PTPRJ: variants seen among roughly 807,000 people sequenced by gnomAD.
The protein encoded by PTPRJ is protein tyrosine phosphatase receptor type J, also known as receptor-type tyrosine-protein phosphatase eta.
Under a neutral mutation model 141.3 loss-of-function variants are expected in PTPRJ, and 129 were observed. The ratio of observed to expected loss-of-function variants is 0.91; its 90% CI spans 0.79 to 1.06. The LOEUF is 1.06. Among genes scored for constraint, PTPRJ ranks in the 50% least tolerant of loss-of-function variants. PTPRJ has a pLI of 0.00. For synonymous variants in PTPRJ, 610 were observed against 640.5 expected, an observed-to-expected ratio of 0.95 and a Z score of 0.72; for missense variants, 1,601 against 1,679.7, an observed-to-expected ratio of 0.95 and a Z score of 0.82.
chr11:48,024,192 T>C (rs1461816857), intron 1 of PTPRJ, among the ~76,000 whole-genome samples: 1 of 152,070 alleles, frequency 6.6e-6, no homozygotes, highest in African/African-American at 2.4e-5. Flanking sequence ...ACTTACATTT[T>C]TTTTCTTTCT....
intron 1 of PTPRJ, among the ~76,000 whole-genome samples, chr11:48,033,906 A>G (rs1366536322): frequency 6.6e-6 from 1 of 152,230 alleles, no homozygotes; most frequent in African/African-American, 2.4e-5. Context: ...CGTTTGACCT[A>G]TAGTAACCAG....
At chr11:48,071,555 G>A (rs753683619) in intron 1 of PTPRJ, among the ~76,000 whole-genome samples, 33 of 145,910 alleles carry the variant, frequency 2.3e-4, no homozygotes, top group Non-Finnish European at 3.4e-4. Flanking sequence ...TGATCCTCCC[G>A]CCTCGGCCTC....
intron 24 of PTPRJ, 57 bp from the exon 25 acceptor site, chr11:48,167,147 T>C (rs1857934568): frequency 6.6e-7 from 1 of 1,508,652 alleles, no homozygotes; most frequent in South Asian, 1.2e-5. Flanking sequence ...TAATTTTGGG[T>C]GCTAATTTCT....
chr11:48,024,133 A>G (rs933610313), intron 1 of PTPRJ, among the ~76,000 whole-genome samples: 5 of 151,906 alleles, frequency 3.3e-5, no homozygotes, highest in African/African-American at 1.2e-4. Flanking sequence ...CTAAGGTTCC[A>G]TGTTCTGCTC....
At chr11:48,049,627 T>A (rs1330895622) in intron 1 of PTPRJ, among the ~76,000 whole-genome samples, 1 of 149,750 alleles carries the variant, frequency 6.7e-6, no homozygotes. Context: ...GGCAGGAGAA[T>A]CGCTTGAACC....
At chr11:48,085,454 C>A (rs897273706) in intron 1 of PTPRJ, among the ~76,000 whole-genome samples, 2 of 152,122 alleles carry the variant, frequency 1.3e-5, no homozygotes, top group African/African-American at 4.8e-5. Context: ...AAAGGATTCT[C>A]CTGCCTCAGC....
intron 1 of PTPRJ, among the ~76,000 whole-genome samples, chr11:48,097,395 T>C (rs1254660585): frequency 6.6e-6 from 1 of 152,210 alleles, no homozygotes; most frequent in East Asian, 1.9e-4. Flanking sequence ...GACTCACCCT[T>C]TCCTTTACAT....
chr11:48,007,253 A>T (rs995946151), intron 1 of PTPRJ, among the ~76,000 whole-genome samples: 3 of 146,700 alleles, frequency 2.0e-5, no homozygotes, highest in Admixed American at 2.0e-4. Flanking sequence ...GGTGCCTGCC[A>T]CCACGCCCGG....
intron 1 of PTPRJ, among the ~76,000 whole-genome samples, chr11:47,999,211 C>T (rs1854426009): frequency 6.6e-6 from 1 of 152,164 alleles, no homozygotes; most frequent in Non-Finnish European, 1.5e-5. Flanking sequence ...TCTGCCATGG[C>T]CACAAGAGAG....
At chr11:48,044,105 G>C (rs956634529) in intron 1 of PTPRJ, among the ~76,000 whole-genome samples, 1 of 152,230 alleles carries the variant, frequency 6.6e-6, no homozygotes, top group South Asian at 2.1e-4. Flanking sequence ...GCGCACATGC[G>C]AAAGACATGA....
intron 1 of PTPRJ, among the ~76,000 whole-genome samples, chr11:48,092,032 A>G (rs1190267426): frequency 6.6e-6 from 1 of 151,942 alleles, no homozygotes; most frequent in Admixed American, 6.5e-5. Context: ...GCGGTGGCTC[A>G]TGCCTGTAAT....
In PTPRJ at chr11:48,168,534, G is replaced by GTGTA. The variant is rs1857975364; in HGVS notation, c.*1173_*1174insGTAT. The GTGTA allele has an allele frequency of 1.4e-4, 6 of 44,070 alleles. No individual in the cohort carries two copies. In the Admixed American group the frequency reaches 1.9e-3, roughly 14 times the overall value. The allele number at this position is 44,070 out of a possible 1,614,324, so 2.7% of individuals were successfully genotyped here. A position where few individuals can be genotyped will look rare whatever the true frequency, so the allele number is the denominator to read the frequency against. Reference sequence around the variant, plus strand: ...CGTGACACATATCGGAATCTACTGTGTATATATATATATATATATATATAT... The same window carrying GTGTA: ...CGTGACACATATCGGAATCTACTGTGTGTATATATATATATATATATATATATAT... On this transcript the variant is annotated 3_prime_UTR_variant, in exon 25 of 25. Transcript: ENST00000418331.
At chr11:48,038,845 TAAA>T (rs36150010) in intron 1 of PTPRJ, among the ~76,000 whole-genome samples, 10 of 116,636 alleles carry the variant, frequency 8.6e-5, no homozygotes, top group South Asian at 3.0e-4. Context: ...CACTTTACTC[TAAA>T]AAAAAAAAAA....
chr11:47,998,864 G>C (rs1401996233), intron 1 of PTPRJ, among the ~76,000 whole-genome samples: 1 of 152,156 alleles, frequency 6.6e-6, no homozygotes, highest in Middle Eastern at 3.2e-3. Flanking sequence ...CAGCTGCCAG[G>C]GAAGGGAGGG....
chr11:48,138,917 GAGGTC>G (rs1179738891), intron 10 of PTPRJ, among the ~76,000 whole-genome samples: 1 of 152,194 alleles, frequency 6.6e-6, no homozygotes. Context: ...GGTGGATCAG[GAGGTC>G]AAAAGATCGA....
intron 3 of PTPRJ, among the ~76,000 whole-genome samples, chr11:48,116,372 T>C (rs758795938): frequency 6.6e-6 from 1 of 152,236 alleles, no homozygotes; most frequent in Non-Finnish European, 1.5e-5. Flanking sequence ...TCAAGAGGTC[T>C]TAACAATTAT....
intron 1 of PTPRJ, among the ~76,000 whole-genome samples, chr11:48,094,835 C>G (rs1437818131): frequency 6.6e-6 from 1 of 152,008 alleles, no homozygotes; most frequent in Non-Finnish European, 1.5e-5. Context: ...GGATGGATAC[C>G]CGAGAACATG....
chr11:48,025,390 A>G (rs529202804), intron 1 of PTPRJ, among the ~76,000 whole-genome samples: 38 of 152,238 alleles, frequency 2.5e-4, no homozygotes, highest in Non-Finnish European at 4.6e-4. Context: ...AAAGTTGGCA[A>G]CCAATTCAAC....
chr11:48,006,274 G>A (rs1212883394), intron 1 of PTPRJ, among the ~76,000 whole-genome samples: 2 of 152,064 alleles, frequency 1.3e-5, no homozygotes, highest in African/African-American at 4.8e-5. Flanking sequence ...AGGGTGATTC[G>A]GGAGGAAGAG....
Sources: allele counts gnomAD v4.1 joint callset (sites outside exome capture counted in the v4.1 genomes callset), GRCh38; gene constraint gnomAD v4.1.1; transcripts MANE v1.5; gene names NCBI Gene and HGNC (gene_info 2026-07-23, HGNC 2026-07-21).